Variants in FAF1 observed in about 807,000 individuals in gnomAD.
The protein encoded by FAF1 is Fas associated factor 1.
In FAF1, 25 loss-of-function variants were observed where a neutral mutation model predicts 92.5. The observed-to-expected ratio is 0.27, with a 90% CI of 0.20 to 0.38. The LOEUF (loss-of-function observed/expected upper bound fraction) is 0.38. FAF1 is among the 10% of genes least tolerant of loss of function. FAF1 has a pLI of 1.00. For synonymous variants in FAF1, 234 were observed against 273.2 expected (o/e 0.86, Z 1.42); for missense variants, 636 against 793.3 (o/e 0.80, Z 2.38).
At chr1:50,776,603 A>G (rs1408876848) in intron 4 of FAF1, among the ~76,000 whole-genome samples, 1 of 152,166 alleles carries the variant, frequency 6.6e-6, no homozygotes, top group African/African-American at 2.4e-5. Context: ...CTATTCACTC[A>G]CATGAAACAG....
At chr1:50,709,604 T>TG in intron 6 of FAF1, among the ~76,000 whole-genome samples, 1 of 152,290 alleles carries the variant, frequency 6.6e-6, no homozygotes, top group East Asian at 1.9e-4. Context: ...TAATTGTCCC[T>TG]GGTCATCAAG....
intron 9 of FAF1, among the ~76,000 whole-genome samples, chr1:50,587,716 T>C (rs774307984): frequency 1.5e-4 from 23 of 152,186 alleles, no homozygotes; most frequent in Admixed American, 7.9e-4. Flanking sequence ...TGCTACGCTG[T>C]TTGGACCTAT....
intron 12 of FAF1, among the ~76,000 whole-genome samples, chr1:50,577,738 T>C (rs144261228): frequency 7.2e-5 from 11 of 152,350 alleles, no homozygotes; most frequent in Non-Finnish European, 1.3e-4. Context: ...AGCCCTCAAC[T>C]GGATGAGTGT....
intron 18 of FAF1, among the ~76,000 whole-genome samples, chr1:50,442,235 C>T (rs1646176797): frequency 1.3e-5 from 2 of 152,086 alleles, no homozygotes; most frequent in South Asian, 2.1e-4. Flanking sequence ...TGAAGGTCTT[C>T]TGAATCTGCG....
At chr1:50,564,172 T>C (rs1313096827) in intron 13 of FAF1, among the ~76,000 whole-genome samples, 1 of 151,958 alleles carries the variant, frequency 6.6e-6, no homozygotes, top group East Asian at 1.9e-4. Context: ...AAAGTATATC[T>C]GCTTGGCAAG....
At chr1:50,534,872 T>A (rs528681956) in intron 15 of FAF1, among the ~76,000 whole-genome samples, 1 of 152,208 alleles carries the variant, frequency 6.6e-6, no homozygotes, top group African/African-American at 2.4e-5. Flanking sequence ...GTTTAGGAGG[T>A]TGAGAAAACA....
intron 1 of FAF1, among the ~76,000 whole-genome samples, chr1:50,891,253 C>T (rs1644717332): frequency 6.6e-6 from 1 of 152,034 alleles, no homozygotes; most frequent in Non-Finnish European, 1.5e-5. Context: ...TTCTAGTTAG[C>T]CATTCGTCTA....
intron 15 of FAF1, among the ~76,000 whole-genome samples, chr1:50,530,457 TGGTCATAGATAGTAAAA>T (rs913427768): frequency 6.7e-6 from 1 of 150,240 alleles, no homozygotes; most frequent in Admixed American, 6.7e-5. Context: ...CAATAACTCA[TGGTCATAGATAGTAAAA>T]GGATGTTACC....
chr1:50,699,845 G>A (rs892732175), intron 7 of FAF1, among the ~76,000 whole-genome samples: 4 of 152,042 alleles, frequency 2.6e-5, no homozygotes, highest in Non-Finnish European at 5.9e-5. Flanking sequence ...CTTTATGAAA[G>A]GAAAATATTA....
intron 2 of FAF1, among the ~76,000 whole-genome samples, chr1:50,838,100 A>T (rs1011809292): frequency 2.6e-5 from 4 of 151,356 alleles, no homozygotes; most frequent in African/African-American, 9.7e-5. Flanking sequence ...ATCATCCCTT[A>T]AAAAAAAATC....
At chr1:50,843,033 T>C (rs972451399) in intron 2 of FAF1, among the ~76,000 whole-genome samples, 1 of 152,212 alleles carries the variant, frequency 6.6e-6, no homozygotes, top group Non-Finnish European at 1.5e-5. Context: ...GAGAATGAGA[T>C]AAATTCATTT....
At chr1:50,574,131 A>G (rs1482607304) in intron 12 of FAF1, among the ~76,000 whole-genome samples, 1 of 152,282 alleles carries the variant, frequency 6.6e-6, no homozygotes, top group Admixed American at 6.5e-5. Context: ...GTCTAAAAAA[A>G]GAAAAGCCTA....
rs575968077 is a variant in FAF1, at chr1:50,730,284, AATTT to A, written c.551+8575_551+8578del. Reference sequence around the variant, plus strand: ...ATTGTTTATTTTGAAATAATTTATTAATTTATTATTTGCTTAGTATTATTTAATA... The same window carrying A: ...ATTGTTTATTTTGAAATAATTTATTAATTATTTGCTTAGTATTATTTAATA... On this transcript the variant is annotated intron_variant, in intron 6 of 18. Coordinates refer to ENST00000396153, the MANE Select transcript of FAF1 (RefSeq NM_007051.3). 4.1e-3 allele frequency among the ~76,000 whole-genome samples: 631 copies of A among 152,098 alleles called. 5 individuals carry two copies. Among genetic ancestry groups the A allele is most frequent in the African/African-American group, 0.014 (592 of 41,500 alleles).
intron 1 of FAF1, among the ~76,000 whole-genome samples, chr1:50,873,586 A>T (rs1644546287): frequency 6.6e-6 from 1 of 152,250 alleles, no homozygotes; most frequent in African/African-American, 2.4e-5. Context: ...CTCATTGTTC[A>T]TTAGCATAAG....
intron 1 of FAF1, among the ~76,000 whole-genome samples, chr1:50,926,499 T>C (rs1374788481): frequency 6.6e-6 from 1 of 152,090 alleles, no homozygotes; most frequent in Non-Finnish European, 1.5e-5. Context: ...GAATGAGTTC[T>C]GGTGTTCTAC....
intron 2 of FAF1, among the ~76,000 whole-genome samples, chr1:50,844,927 T>C (rs1644285654): frequency 6.6e-6 from 1 of 151,968 alleles, no homozygotes. Flanking sequence ...CGATTCCAAA[T>C]AAAGGTTCAA....
chr1:50,725,102 T>C (rs547314742), intron 6 of FAF1, among the ~76,000 whole-genome samples: 5 of 152,340 alleles, frequency 3.3e-5, no homozygotes, highest in Non-Finnish European at 5.9e-5. Context: ...CATCAGGTGC[T>C]TGCCCGGCCA....
In FAF1 at chr1:50,881,440, A is replaced by G. The variant is rs565763509; in HGVS notation, c.46-23443T>C. Among the ~76,000 whole-genome samples the G allele has an allele frequency of 3.3e-5, 5 of 152,328 alleles. No individual in the cohort carries two copies. In the South Asian group the frequency reaches 1.0e-3, roughly 32 times the overall value. On this transcript the variant is annotated intron_variant, in intron 1 of 18. Coordinates refer to ENST00000396153, the MANE Select transcript of FAF1 (RefSeq NM_007051.3). ...GACCGAAAACTTAAGTACTGTCTCA[A>G]CTTGAGTTTCATGGTAACTGATTAT... is the stretch of plus-strand genomic sequence containing the variant.
chr1:50,703,715 A>AT (rs1347836375), intron 7 of FAF1, among the ~76,000 whole-genome samples: 1 of 152,184 alleles, frequency 6.6e-6, no homozygotes, highest in African/African-American at 2.4e-5. Flanking sequence ...TATAAAAAAG[A>AT]TTTACTGTTT....
Sources: gnomAD v4.1 joint callset for allele counts (sites outside exome capture counted in the v4.1 genomes callset) on GRCh38, gnomAD v4.1.1 for gene constraint, MANE v1.5 for transcripts, NCBI Gene and HGNC (gene_info 2026-07-23, HGNC 2026-07-21) for gene names.